SPTLC1: variants seen among roughly 807,000 people sequenced by gnomAD.
The protein encoded by SPTLC1 is serine palmitoyltransferase long chain base subunit 1.
Under a neutral mutation model 68.9 loss-of-function variants are expected in SPTLC1, and 55 were observed. The observed-to-expected ratio is 0.80, with a 90% confidence interval of 0.64 to 1.00. SPTLC1 has a LOEUF of 1.00. Among genes scored for constraint, SPTLC1 ranks in the 50% least tolerant of loss-of-function variants. The pLI is 0.00. For synonymous variants in SPTLC1, 197 were observed against 201.6 expected (o/e 0.98, Z 0.19); for missense variants, 449 against 573.1 (o/e 0.78, Z 2.21).
At chr9:92,094,877 CG>C (rs1835478732) in intron 3 of SPTLC1, among the ~76,000 whole-genome samples, 1 of 152,162 alleles carries the variant, frequency 6.6e-6, no homozygotes, top group Non-Finnish European at 1.5e-5. Context: ...CCCGCCACCA[CG>C]AAGTTCACTG....
chr9:92,071,412 C>A (rs1489194011), intron 5 of SPTLC1, among the ~76,000 whole-genome samples: 1 of 152,060 alleles, frequency 6.6e-6, no homozygotes, highest in Non-Finnish European at 1.5e-5. Flanking sequence ...ACCACAACAA[C>A]ACACACACAA....
At chr9:92,066,415 G>T (rs1243581693) in intron 6 of SPTLC1, among the ~76,000 whole-genome samples, 1 of 152,208 alleles carries the variant, frequency 6.6e-6, no homozygotes, top group African/African-American at 2.4e-5. Flanking sequence ...CCCTGCAGAG[G>T]TGACGTATGT....
intron 3 of SPTLC1, among the ~76,000 whole-genome samples, chr9:92,102,161 C>T (rs1835777841): frequency 6.6e-6 from 1 of 152,138 alleles, no homozygotes; most frequent in Non-Finnish European, 1.5e-5. Context: ...AATCAGTCAG[C>T]AAAGAGTACT....
intron 6 of SPTLC1, among the ~76,000 whole-genome samples, chr9:92,066,028 T>C (rs1248597031): frequency 6.6e-6 from 1 of 152,222 alleles, no homozygotes; most frequent in African/African-American, 2.4e-5. Context: ...GCCCCTATTC[T>C]GAGCTCCAGC....
intron 3 of SPTLC1, among the ~76,000 whole-genome samples, chr9:92,101,632 T>C (rs1177666709): frequency 4.8e-5 from 6 of 126,254 alleles, no homozygotes; most frequent in African/African-American, 1.8e-4. Context: ...GAATGAAGAA[T>C]TGAATGAATT....
At chr9:92,114,132 T>A (rs1355212662) in intron 1 of SPTLC1, among the ~76,000 whole-genome samples, 3 of 149,820 alleles carry the variant, frequency 2.0e-5, no homozygotes, top group Admixed American at 6.6e-5. Flanking sequence ...AAAGATTAGT[T>A]GGGCATGGTG....
intron 4 of SPTLC1, 141 bp from the exon 5 acceptor site, chr9:92,080,229 C>A (rs59856128): frequency 0.058 from 40,525 of 694,722 alleles, 2,931 homozygotes; most frequent in East Asian, 0.25. Flanking sequence ...GGTGTAAAGA[C>A]TGAGTATATG....
At chr9:92,102,060 T>G (rs1185410460) in intron 3 of SPTLC1, among the ~76,000 whole-genome samples, 1 of 152,076 alleles carries the variant, frequency 6.6e-6, no homozygotes, top group African/African-American at 2.4e-5. Flanking sequence ...AGATCACAAA[T>G]AAGCAAGTCT....
intron 1 of SPTLC1, among the ~76,000 whole-genome samples, chr9:92,113,073 C>T (rs1370829766): frequency 1.3e-5 from 2 of 152,174 alleles, no homozygotes; most frequent in Non-Finnish European, 2.9e-5. Context: ...CACCACTGCA[C>T]TCCAGCCTGG....
At chr9:92,104,511 A>G (rs1242329784) in intron 3 of SPTLC1, 2 of 1,418,358 alleles carry the variant, frequency 1.4e-6, no homozygotes, top group African/African-American at 2.8e-5. Flanking sequence ...TCAAGGAAGA[A>G]ACCCGTGCTG....
intron 12 of SPTLC1, among the ~76,000 whole-genome samples, chr9:92,041,314 T>C (rs1240784077): frequency 1.3e-5 from 2 of 152,216 alleles, no homozygotes; most frequent in Non-Finnish European, 2.9e-5. Context: ...AATATATTTA[T>C]TGGAAAATAC....
chr9:92,066,959 G>A (rs925218001), intron 6 of SPTLC1, among the ~76,000 whole-genome samples: 2 of 151,594 alleles, frequency 1.3e-5, no homozygotes, highest in South Asian at 2.1e-4. Context: ...CAGCCTGGGC[G>A]ACAAGAGTGA....
chr9:92,045,362 T>A (rs1039934390), intron 12 of SPTLC1, among the ~76,000 whole-genome samples: 76 of 151,114 alleles, frequency 5.0e-4, no homozygotes, highest in Non-Finnish European at 8.7e-4. Context: ...TTTTTTTTTT[T>A]AACTACAGAG....
intron 3 of SPTLC1, among the ~76,000 whole-genome samples, chr9:92,098,544 T>C (rs1364335856): frequency 6.6e-6 from 1 of 152,012 alleles, no homozygotes; most frequent in East Asian, 1.9e-4. Flanking sequence ...TACATAATGT[T>C]CTTGATGACA....
chr9:92,068,020 G>T lies in SPTLC1; in HGVS notation c.506C>A (p.Ala169Asp), dbSNP rs773545616. ...AGCAGGAATAGCACTGGCTATGGTG[G>T]CAAATCCATATGAGTATATAATGGC... ...EEAIIYSYGF[A>D]TIASAIPAYS... is the part of the protein sequence containing the mutation. Residue 169 changes from alanine to aspartate, a missense_variant, in exon 6 of 15, where the codon GCC becomes GAC. Around this residue, in one of 3 missense-constraint regions of SPTLC1, gnomAD observed 391 missense variants for 472.1 expected, o/e 0.83. Coordinates refer to ENST00000262554, the MANE Select transcript of SPTLC1 (RefSeq NM_006415.4). 6.2e-6 allele frequency: 10 copies of T among 1,613,910 alleles called. No homozygotes were observed.
chr9:92,069,365 C>T (rs1034607193), intron 5 of SPTLC1, among the ~76,000 whole-genome samples: 3 of 152,184 alleles, frequency 2.0e-5, no homozygotes, highest in African/African-American at 7.2e-5. Flanking sequence ...CATTTGATTT[C>T]CATTACCAAT....
intron 3 of SPTLC1, among the ~76,000 whole-genome samples, chr9:92,090,860 C>A (rs538516823): frequency 6.6e-6 from 1 of 152,210 alleles, no homozygotes; most frequent in South Asian, 2.1e-4. Context: ...CTCTTTTCTG[C>A]CCATCTGCCT....
intron 3 of SPTLC1, among the ~76,000 whole-genome samples, chr9:92,099,790 C>G (rs1186087275): frequency 1.3e-5 from 2 of 151,998 alleles, no homozygotes; most frequent in Non-Finnish European, 2.9e-5. Context: ...CCCTATTGTA[C>G]CTTCTCTATA....
intron 8 of SPTLC1, among the ~76,000 whole-genome samples, chr9:92,051,542 T>C (rs1309068109): frequency 6.6e-6 from 1 of 152,236 alleles, no homozygotes; most frequent in African/African-American, 2.4e-5. Flanking sequence ...GACTGAAAGC[T>C]TTCCTTATAA....
Sources: gnomAD v4.1 joint callset for allele counts (sites outside exome capture counted in the v4.1 genomes callset) on GRCh38, gnomAD v4.1.1 for gene constraint, gnomAD v4.1.1 regional missense constraint, MANE v1.5 for transcripts, NCBI Gene and HGNC (gene_info 2026-07-23, HGNC 2026-07-21) for gene names.